The following ADGRL2 variants were observed in gnomAD, a reference collection of about 807,000 sequenced individuals.
ADGRL2 encodes calcium-independent alpha-latrotoxin receptor 2.
ADGRL2 carries 44 observed loss-of-function variants against 157.4 expected under a neutral mutation model. That is an observed-to-expected ratio of 0.28 (90% CI 0.22 to 0.36). The LOEUF (loss-of-function observed/expected upper bound fraction) is 0.36, where lower values mean the gene tolerates loss of function less well. ADGRL2 is among the 10% of genes least tolerant of loss of function. ADGRL2 has a pLI of 1.00. For synonymous variants in ADGRL2, 585 were observed against 624.7 expected (o/e 0.94, Z 0.95); for missense variants, 1,510 against 1,768.9 (o/e 0.85, Z 2.63).
At position 81,769,038 on chromosome 1, in the gene ADGRL2, G is replaced by A. The variant is rs371635851; in HGVS notation, c.-101+7186G>A. ...AGGCGGAGGTTGCTGAGTAGAGATCGCGGCACTGCACTGCAGTCTGGGCGA... is the reference window on the plus strand; with the variant it reads ...AGGCGGAGGTTGCTGAGTAGAGATCACGGCACTGCACTGCAGTCTGGGCGA... On this transcript the variant is annotated intron_variant, in intron 2 of 20. Transcript: ENST00000359929. Among the ~76,000 whole-genome samples, 8 of 152,032 alleles carry A rather than the reference G, an allele frequency of 5.3e-5. No homozygotes were observed. In the East Asian group the frequency reaches 9.7e-4, roughly 18 times the overall value.
At chr1:81,977,391 A>G (rs1026637063) in intron 17 of ADGRL2, among the ~76,000 whole-genome samples, 3 of 151,858 alleles carry the variant, frequency 2.0e-5, no homozygotes, top group Non-Finnish European at 4.4e-5. Flanking sequence ...TAAGTTTTCT[A>G]TGGCATATTC....
In ADGRL2 at chr1:81,478,538, T is replaced by A. The variant is rs192537604; in HGVS notation, c.-248+33449T>A. ...CACTTTCATTGTAAATTTAAATCTC[T>A]GTTTGGAAAAAGGTGATAAGAACAG... On this transcript the variant is annotated intron_variant, in intron 2 of 24. Coordinates refer to the ADGRL2 transcript ENST00000370721. 1.5e-4 allele frequency among the ~76,000 whole-genome samples: 23 copies of A among 152,316 alleles called. No individual in the cohort carries two copies. In the East Asian group the frequency reaches 4.4e-3, roughly 29 times the overall value.
At chr1:81,630,623 G>A (rs1334331523) in intron 3 of ADGRL2, among the ~76,000 whole-genome samples, 1 of 152,064 alleles carries the variant, frequency 6.6e-6, no homozygotes, top group Non-Finnish European at 1.5e-5. Flanking sequence ...TTTCCACAAT[G>A]AAACCAGCAC....
chr1:81,440,274 G>A (rs1396189216), intron 1 of ADGRL2, among the ~76,000 whole-genome samples: 2 of 152,156 alleles, frequency 1.3e-5, no homozygotes, highest in African/African-American at 4.8e-5. Context: ...GTTTCACCGG[G>A]TACCCACCCC....
At chr1:81,879,339 A>G (rs2093924841) in intron 2 of ADGRL2, among the ~76,000 whole-genome samples, 1 of 152,176 alleles carries the variant, frequency 6.6e-6, no homozygotes, top group Non-Finnish European at 1.5e-5. Context: ...GAATCATCAC[A>G]GTTTAAATTA....
At chr1:81,400,784 G>A (rs2076739171) in intron 1 of ADGRL2, among the ~76,000 whole-genome samples, 1 of 152,030 alleles carries the variant, frequency 6.6e-6, no homozygotes. Flanking sequence ...TAGAAAGAAG[G>A]GTATCTCAGC....
chr1:81,971,410 C>A (rs1021855838), intron 16 of ADGRL2, among the ~76,000 whole-genome samples: 1 of 152,164 alleles, frequency 6.6e-6, no homozygotes, highest in Admixed American at 6.5e-5. Flanking sequence ...AACATAACAT[C>A]TGAACAGTTT....
In ADGRL2 at chr1:81,872,008, T is replaced by C. The variant is rs538334368; in HGVS notation, c.73+34951T>C. ...GTTTTAGACATGAAGTCCTTGCCCA[T>C]GCCTATGTCCTGAATGGTAATGCCT... On this transcript the variant is annotated intron_variant, in intron 2 of 23. Coordinates refer to ENST00000686636, the MANE Select transcript of ADGRL2 (RefSeq NM_001366006.2). Among the ~76,000 whole-genome samples the C allele has an allele frequency of 1.8e-3, 273 of 152,312 alleles. 1 individual carries two copies. The highest frequency in any genetic ancestry group is 6.2e-3 in the African/African-American group (258 of 41,576).
Position 81,907,178 on chromosome 1 carries a change from A to G in ADGRL2, c.235A>G (p.Met79Val). Residue 79 changes from methionine (M) to valine (V), a missense_variant, in exon 3 of 24, where the codon ATG becomes GTG. Around this residue, in one of 4 missense-constraint regions of ADGRL2, gnomAD observed 361 missense variants for 498.4 expected, o/e 0.72. Transcript: ENST00000686636. The part of the protein sequence containing the change: ...DKICDADPFQ[M>V]ENTDCYLPDA... ...GATTTGTGATGCTGACCCATTTCAG[A>G]TGGAGAATACAGACTGCTACCTCCC... The G allele has an allele frequency of 6.2e-7, 1 of 1,614,116 alleles. No individual in the cohort carries two copies. The highest frequency in any genetic ancestry group is 8.5e-7 in the Non-Finnish European group (1 of 1,180,012).
chr1:81,673,395 A>G (rs1461342653), intron 3 of ADGRL2, among the ~76,000 whole-genome samples: 6 of 151,770 alleles, frequency 4.0e-5, no homozygotes, highest in South Asian at 2.1e-4. Flanking sequence ...TCACTTTTCT[A>G]TGGTCTAACA....
chr1:81,442,366 CCT>C (rs1326745718), intron 1 of ADGRL2, among the ~76,000 whole-genome samples: 1 of 152,016 alleles, frequency 6.6e-6, no homozygotes, highest in Non-Finnish European at 1.5e-5. Context: ...TGAAAATATC[CCT>C]CTTTCACCAA....
intron 1 of ADGRL2, among the ~76,000 whole-genome samples, chr1:81,323,317 T>C (rs1014032048): frequency 3.3e-5 from 5 of 151,808 alleles, no homozygotes; most frequent in African/African-American, 4.8e-5. Flanking sequence ...TCAAGGTTCA[T>C]CAGCCAAAAT....
intron 2 of ADGRL2, among the ~76,000 whole-genome samples, chr1:81,498,247 G>T (rs1204071226): frequency 6.6e-6 from 1 of 152,056 alleles, no homozygotes; most frequent in Non-Finnish European, 1.5e-5. Flanking sequence ...TGGAATTCAA[G>T]GTAAGAAGTG....
intron 11 of ADGRL2, among the ~76,000 whole-genome samples, chr1:81,959,735 T>G (rs910134504): frequency 6.6e-6 from 1 of 152,124 alleles, no homozygotes; most frequent in Non-Finnish European, 1.5e-5. Flanking sequence ...TTTCATAAAT[T>G]TATTAATACT....
intron 1 of ADGRL2, among the ~76,000 whole-genome samples, chr1:81,329,092 C>G (rs1323230780): frequency 6.6e-6 from 1 of 152,064 alleles, no homozygotes; most frequent in Non-Finnish European, 1.5e-5. Flanking sequence ...CGAGTTTTCA[C>G]GATTATAAGC....
chr1:81,670,691 T>C (rs1387156459), intron 3 of ADGRL2, among the ~76,000 whole-genome samples: 1 of 152,234 alleles, frequency 6.6e-6, no homozygotes, highest in Non-Finnish European at 1.5e-5. Context: ...GAAAAGACTC[T>C]GTTTCACAAA....
chr1:81,425,432 C>A (rs76099574), intron 1 of ADGRL2, among the ~76,000 whole-genome samples: 1 of 151,972 alleles, frequency 6.6e-6, no homozygotes, highest in Admixed American at 6.6e-5. Flanking sequence ...CTGTGTTAAA[C>A]GTGCATTAGG....
intron 3 of ADGRL2, among the ~76,000 whole-genome samples, chr1:81,911,133 T>C (rs2148407261): frequency 6.6e-6 from 1 of 152,290 alleles, no homozygotes; most frequent in South Asian, 2.1e-4. Context: ...CTCCATTTTC[T>C]ATTTCCTGTT....
intron 2 of ADGRL2, among the ~76,000 whole-genome samples, chr1:81,888,331 C>G (rs909093789): frequency 6.6e-6 from 1 of 152,150 alleles, no homozygotes; most frequent in Non-Finnish European, 1.5e-5. Context: ...AGTACCTTTG[C>G]AAAATGCCCA....
Sources: gnomAD v4.1 joint callset for allele counts (sites outside exome capture counted in the v4.1 genomes callset) on GRCh38, gnomAD v4.1.1 for gene constraint, gnomAD v4.1.1 regional missense constraint, MANE v1.5 for transcripts, NCBI Gene and HGNC (gene_info 2026-07-23, HGNC 2026-07-21) for gene names.